Variants in PCDH9 observed in about 807,000 individuals in gnomAD.
PCDH9 encodes protocadherin 9.
PCDH9 carries 24 observed loss-of-function variants against 70.6 expected under a neutral mutation model. The ratio of observed to expected loss-of-function variants is 0.34; its 90% confidence interval spans 0.25 to 0.48. The LOEUF (loss-of-function observed/expected upper bound fraction) is 0.48. PCDH9 is among the 20% of genes least tolerant of loss of function. The pLI is 0.99. For synonymous variants in PCDH9, 562 were observed against 558.5 expected (o/e 1.01, Z -0.09); for missense variants, 1,281 against 1,503.6 (o/e 0.85, Z 2.45).
chr13:66,667,851 A>C (rs2078117478), intron 3 of PCDH9, among the ~76,000 whole-genome samples: 1 of 152,198 alleles, frequency 6.6e-6, no homozygotes, highest in Non-Finnish European at 1.5e-5. Flanking sequence ...CTTAATAAGT[A>C]TTTGTCTAAG....
intron 4 of PCDH9, among the ~76,000 whole-genome samples, chr13:66,542,387 T>G (rs1960997126): frequency 6.6e-6 from 1 of 152,108 alleles, no homozygotes; most frequent in Admixed American, 6.6e-5. Flanking sequence ...TGTTCATATC[T>G]ATAATTCGTT....
chr13:66,699,209 T>C (rs1284687583), intron 3 of PCDH9, among the ~76,000 whole-genome samples: 1 of 152,110 alleles, frequency 6.6e-6, no homozygotes, highest in African/African-American at 2.4e-5. Context: ...CCACTGCGCC[T>C]GGCCCCAATT....
intron 3 of PCDH9, among the ~76,000 whole-genome samples, chr13:66,817,769 G>A (rs1409786804): frequency 6.6e-6 from 1 of 151,872 alleles, no homozygotes; most frequent in Non-Finnish European, 1.5e-5. Context: ...ATTAACAGCT[G>A]GCAACACAGG....
intron 3 of PCDH9, among the ~76,000 whole-genome samples, chr13:66,681,030 T>A (rs532610010): frequency 7.3e-5 from 11 of 151,338 alleles, no homozygotes; most frequent in African/African-American, 2.7e-4. Flanking sequence ...TCAAATTCTA[T>A]GTCTAGTTAT....
chr13:66,382,760 GT>G (rs1317968766), intron 4 of PCDH9, among the ~76,000 whole-genome samples: 1 of 152,148 alleles, frequency 6.6e-6, no homozygotes, highest in Non-Finnish European at 1.5e-5. Flanking sequence ...GCCAGGCGCG[GT>G]GGCTCACGCC....
At chr13:66,700,988 G>A (rs1400721175) in intron 3 of PCDH9, among the ~76,000 whole-genome samples, 2 of 121,964 alleles carry the variant, frequency 1.6e-5, no homozygotes, top group African/African-American at 6.1e-5. Context: ...ACAGGTATAG[G>A]GCATTAATTT....
intron 2 of PCDH9, among the ~76,000 whole-genome samples, chr13:66,947,045 T>A (rs1384016796): frequency 1.3e-5 from 2 of 152,180 alleles, no homozygotes; most frequent in Admixed American, 6.6e-5. Flanking sequence ...CTGGATTGAC[T>A]TTAGTGCATA....
At chr13:66,830,638 A>G (rs1436026238) in intron 3 of PCDH9, among the ~76,000 whole-genome samples, 1 of 152,216 alleles carries the variant, frequency 6.6e-6, no homozygotes, top group East Asian at 1.9e-4. Context: ...CTGTCCATAT[A>G]GTAAAATTCT....
At chr13:67,100,730 C>T (rs923544627) in intron 2 of PCDH9, among the ~76,000 whole-genome samples, 1 of 152,160 alleles carries the variant, frequency 6.6e-6, no homozygotes, top group African/African-American at 2.4e-5. Flanking sequence ...CTTCTAATAT[C>T]AGGAAACACT....
intron 2 of PCDH9, among the ~76,000 whole-genome samples, chr13:67,000,843 A>C (rs946401904): frequency 6.6e-6 from 1 of 152,216 alleles, no homozygotes; most frequent in Non-Finnish European, 1.5e-5. Flanking sequence ...AAGCTAAGAG[A>C]CAAATAGCAA....
At position 66,305,033 on chromosome 13, in the gene PCDH9, A is replaced by G. The variant is rs777474308; in HGVS notation, c.3341-5T>C. The stretch of plus-strand genomic sequence containing the variant: ...CTCGGGGACCCAAAGGCCCATCTGC[A>G]GAAGACAAGAGAGAGAAAATAAGAA... On this transcript the variant is annotated splice_polypyrimidine_tract_variant and splice_region_variant and intron_variant, in intron 4 of 4. Coordinates refer to ENST00000377865, the MANE Select transcript of PCDH9 (RefSeq NM_203487.3). 2.5e-6 allele frequency: 4 copies of G among 1,574,920 alleles called. No homozygotes were observed. The South Asian group carries it at 4.6e-5, about 18-fold the overall frequency.
intron 2 of PCDH9, among the ~76,000 whole-genome samples, chr13:67,088,001 C>CA (rs1233388035): frequency 2.0e-5 from 3 of 151,892 alleles, no homozygotes; most frequent in Non-Finnish European, 4.4e-5. Flanking sequence ...GATATAGCAC[C>CA]AAAATAGCCT....
At chr13:66,499,279 T>C (rs1295698492) in intron 4 of PCDH9, among the ~76,000 whole-genome samples, 1 of 152,060 alleles carries the variant, frequency 6.6e-6, no homozygotes, top group Admixed American at 6.5e-5. Flanking sequence ...TTATATTAAA[T>C]CTTTAAAGCA....
chr13:66,886,067 A>T (rs2082000063), intron 3 of PCDH9: 1 of 152,178 alleles, frequency 6.6e-6, no homozygotes, highest in South Asian at 2.1e-4. Context: ...AATGGAGAAC[A>T]TGAACTCAGG....
At position 67,169,581 on chromosome 13, in the gene PCDH9, A is replaced by AT. The variant is rs988398786; in HGVS notation, c.3036+55823dup. 2.3e-3 allele frequency among the ~76,000 whole-genome samples: 343 copies of AT among 152,220 alleles called. 1 individual carries two copies. The highest frequency in any genetic ancestry group is 7.9e-3 in the African/African-American group (330 of 41,546). On this transcript the variant is annotated intron_variant, in intron 2 of 4. Transcript: ENST00000377865. ...AAATGTTCCACAATAAACTAAAGGG[A>AT]TTTTTTTGTAAGCTAAACAATGTTT...
At chr13:66,501,618 C>T (rs534088862) in intron 4 of PCDH9, among the ~76,000 whole-genome samples, 3 of 152,042 alleles carry the variant, frequency 2.0e-5, no homozygotes, top group East Asian at 3.9e-4. Context: ...ATGAAAAAGT[C>T]TCTTTCTCAA....
At chr13:66,654,169 G>T (rs779708261) in intron 3 of PCDH9, among the ~76,000 whole-genome samples, 2 of 151,982 alleles carry the variant, frequency 1.3e-5, no homozygotes, top group South Asian at 2.1e-4. Context: ...GCAACAACAT[G>T]GATGGAACTG....
chr13:66,598,526 G>A (rs1179460753), intron 4 of PCDH9, among the ~76,000 whole-genome samples: 1 of 151,702 alleles, frequency 6.6e-6, no homozygotes, highest in Non-Finnish European at 1.5e-5. Context: ...ACCATGATAA[G>A]TGTTTTAGGG....
chr13:66,602,125 T>C (rs561799940), intron 4 of PCDH9, among the ~76,000 whole-genome samples: 1 of 146,316 alleles, frequency 6.8e-6, no homozygotes, highest in South Asian at 2.2e-4. Context: ...TTGGTTTCCC[T>C]GGGCCACATT....
Sources: allele counts gnomAD v4.1 joint callset (sites outside exome capture counted in the v4.1 genomes callset), GRCh38; gene constraint gnomAD v4.1.1; transcripts MANE v1.5; gene names NCBI Gene and HGNC (gene_info 2026-07-23, HGNC 2026-07-21).